The following BNC2 variants were observed in gnomAD, a reference collection of about 807,000 sequenced individuals.
The protein encoded by BNC2 is zinc finger protein basonuclin-2.
BNC2 carries 20 observed loss-of-function variants against 76.3 expected under a neutral mutation model. The observed-to-expected ratio is 0.26, with a 90% confidence interval of 0.18 to 0.38. BNC2 has a LOEUF of 0.38. Ranked by LOEUF, BNC2 falls within the 10% of genes least tolerant of loss-of-function variation. The pLI is 1.00. For missense variants in BNC2, 1,382 were observed against 1,399.8 expected, an observed-to-expected ratio of 0.99 and a Z score of 0.20; for synonymous variants, 582 against 514.8, an observed-to-expected ratio of 1.13 and a Z score of -1.77.
At chr9:16,689,329 G>C (rs1198024832) in intron 3 of BNC2, among the ~76,000 whole-genome samples, 2 of 152,164 alleles carry the variant, frequency 1.3e-5, no homozygotes, top group Non-Finnish European at 2.9e-5. Context: ...AAAAGTCACA[G>C]AAATGATAAC....
At chr9:16,843,721 T>G (rs975399008) in intron 1 of BNC2, among the ~76,000 whole-genome samples, 6 of 152,240 alleles carry the variant, frequency 3.9e-5, no homozygotes, top group African/African-American at 1.4e-4. Context: ...TACTTTAGGT[T>G]TACCATGTAA....
intron 3 of BNC2, among the ~76,000 whole-genome samples, chr9:16,673,773 C>G (rs1408659456): frequency 1.3e-5 from 2 of 152,158 alleles, no homozygotes; most frequent in African/African-American, 2.4e-5. Context: ...ATTTACACAG[C>G]CAGACACCTA....
At chr9:16,859,064 G>T (rs1199223190) in intron 1 of BNC2, among the ~76,000 whole-genome samples, 2 of 151,854 alleles carry the variant, frequency 1.3e-5, no homozygotes, top group Non-Finnish European at 2.9e-5. Flanking sequence ...TGTCCACAAA[G>T]AGGACATATA....
At chr9:16,799,937 T>C (rs1022706648) in intron 1 of BNC2, among the ~76,000 whole-genome samples, 6 of 152,010 alleles carry the variant, frequency 3.9e-5, no homozygotes, top group African/African-American at 1.4e-4. Context: ...GAAGAAACTA[T>C]GTAGAGGCCG....
chr9:16,782,897 T>C (rs146149174), intron 1 of BNC2, among the ~76,000 whole-genome samples: 3 of 152,314 alleles, frequency 2.0e-5, no homozygotes, highest in South Asian at 2.1e-4. Flanking sequence ...AGTAAGTGAA[T>C]AGTCTACCTT....
chr9:16,667,787 T>A (rs1822345166), intron 3 of BNC2, among the ~76,000 whole-genome samples: 1 of 152,206 alleles, frequency 6.6e-6, no homozygotes, highest in African/African-American at 2.4e-5. Context: ...TGGGGCACTA[T>A]GCTGGATACA....
In BNC2 at chr9:16,414,814, C is replaced by T. The variant is rs1820549436; in HGVS notation, c.*4175G>A. The T allele has an allele frequency of 6.6e-6, 1 of 150,974 alleles. No individual in the cohort carries two copies. Among genetic ancestry groups the T allele is most frequent in the Admixed American group, 6.6e-5 (1 of 15,116 alleles). 9.4% of individuals were successfully genotyped at this position (150,974 alleles called of 1,614,324 possible). A position where few individuals can be genotyped will look rare whatever the true frequency, so the allele number is the denominator to read the frequency against. On this transcript the variant is annotated 3_prime_UTR_variant, in exon 7 of 7. Transcript: ENST00000380672. ...GCTTGGCACATATCTGGGGTGTGTA[C>T]AGAGAAAGGGGAAAAAAAGGTCACA...
chr9:16,608,631 A>G (rs963337906), intron 3 of BNC2, among the ~76,000 whole-genome samples: 2 of 152,078 alleles, frequency 1.3e-5, no homozygotes, highest in African/African-American at 4.8e-5. Context: ...TCAGCCTCCC[A>G]AGTACCTGGG....
intron 3 of BNC2, among the ~76,000 whole-genome samples, chr9:16,719,392 T>G (rs914341602): frequency 6.6e-6 from 1 of 152,216 alleles, no homozygotes; most frequent in Non-Finnish European, 1.5e-5. Flanking sequence ...ATTTTAATAT[T>G]AGTTTTGTTA....
chr9:16,421,178 C>A (rs550147820), intron 6 of BNC2: 197 of 914,914 alleles, frequency 2.2e-4, no homozygotes, highest in Non-Finnish European at 2.8e-4. Flanking sequence ...CACCTTTCCA[C>A]ACAAGACAAT....
chr9:16,665,062 T>C (rs1403676810), intron 3 of BNC2: 1 of 456,160 alleles, frequency 2.2e-6, no homozygotes, highest in Non-Finnish European at 4.4e-6. Context: ...ATTAAGGAAG[T>C]ACCTTAGAAA....
intron 5 of BNC2, among the ~76,000 whole-genome samples, chr9:16,463,078 T>C (rs1227482276): frequency 2.0e-5 from 3 of 152,048 alleles, no homozygotes; most frequent in Non-Finnish European, 4.4e-5. Flanking sequence ...GAAAGCAATG[T>C]TGTTCTGAAA....
intron 3 of BNC2, among the ~76,000 whole-genome samples, chr9:16,641,303 G>C (rs1462142233): frequency 2.0e-5 from 3 of 152,030 alleles, no homozygotes; most frequent in Non-Finnish European, 4.4e-5. Context: ...TAAAATCATG[G>C]AAAAGATCTT....
intron 3 of BNC2, among the ~76,000 whole-genome samples, chr9:16,684,121 G>A (rs1472104218): frequency 2.0e-5 from 3 of 151,732 alleles, no homozygotes; most frequent in African/African-American, 4.8e-5. Flanking sequence ...ACTCACATCT[G>A]CAAAACCCAA....
At chr9:16,519,363 C>T (rs1263922737) in intron 5 of BNC2, among the ~76,000 whole-genome samples, 2 of 152,250 alleles carry the variant, frequency 1.3e-5, no homozygotes, top group East Asian at 3.9e-4. Flanking sequence ...ACGTAAAGTC[C>T]CAAAAGATAG....
At chr9:16,830,551 C>T (rs1052957353) in intron 1 of BNC2, among the ~76,000 whole-genome samples, 4 of 152,088 alleles carry the variant, frequency 2.6e-5, no homozygotes, top group African/African-American at 7.2e-5. Context: ...TGGATTTTTT[C>T]GCATTATTTT....
At chr9:16,421,789 G>C (rs1384343869) in intron 6 of BNC2, among the ~76,000 whole-genome samples, 2 of 152,242 alleles carry the variant, frequency 1.3e-5, no homozygotes, top group South Asian at 4.1e-4. Context: ...GAATGTGGAA[G>C]TAGAGTTACG....
intron 1 of BNC2, among the ~76,000 whole-genome samples, chr9:16,773,841 G>A (rs1825892836): frequency 6.6e-6 from 1 of 152,014 alleles, no homozygotes; most frequent in East Asian, 1.9e-4. Flanking sequence ...CTAACAGTAC[G>A]TCCTTTCTAT....
At position 16,555,302 on chromosome 9, in the gene BNC2, C is replaced by A. The variant is rs1818793254; in HGVS notation, c.434-2537G>T. On this transcript the variant is annotated intron_variant, in intron 4 of 6. Coordinates refer to ENST00000380672, the MANE Select transcript of BNC2 (RefSeq NM_017637.6). ...CCTCCCAAAGTGCCGGGATTACAGG[C>A]ATGAGCCACCACACCCGGCCAAGGT... Among the ~76,000 whole-genome samples the A allele has an allele frequency of 2.0e-5, 3 of 152,064 alleles. No homozygotes were observed. The South Asian group carries it at 6.2e-4, about 32-fold the overall frequency.
Sources: allele counts gnomAD v4.1 joint callset (sites outside exome capture counted in the v4.1 genomes callset), GRCh38; gene constraint gnomAD v4.1.1; transcripts MANE v1.5; gene names NCBI Gene and HGNC (gene_info 2026-07-23, HGNC 2026-07-21).